Variants in BAIAP2L1 observed in about 807,000 individuals in gnomAD.
The protein encoded by BAIAP2L1 is BAR/IMD domain containing adaptor protein 2 like 1.
A neutral mutation model predicts 66.3 loss-of-function variants in BAIAP2L1; 35 were observed. The ratio of observed to expected loss-of-function variants is 0.53; its 90% CI spans 0.40 to 0.70. BAIAP2L1 has a LOEUF of 0.70. BAIAP2L1 is among the 30% of genes least tolerant of loss of function. The pLI is 0.00. For missense variants in BAIAP2L1, 622 were observed against 656.9 expected, an observed-to-expected ratio of 0.95 and a Z score of 0.58; for synonymous variants, 269 against 248.7, an observed-to-expected ratio of 1.08 and a Z score of -0.77.
chr7:98,380,001 T>C (rs1802718677), intron 1 of BAIAP2L1, among the ~76,000 whole-genome samples: 1 of 152,112 alleles, frequency 6.6e-6, no homozygotes, highest in South Asian at 2.1e-4. Context: ...CACAACTTTA[T>C]AAATTTACTA....
At chr7:98,393,506 A>AT (rs982246272) in intron 1 of BAIAP2L1, among the ~76,000 whole-genome samples, 220 of 150,502 alleles carry the variant, frequency 1.5e-3, no homozygotes, top group African/African-American at 3.2e-3. Context: ...CTATTTATTT[A>AT]TTTTTTTTTG....
Position 98,320,404 on chromosome 7 carries a change from T to C in BAIAP2L1, c.215-106A>G, listed in dbSNP as rs909769679. The C allele has an allele frequency of 8.8e-5, 71 of 811,086 alleles. No individual in the cohort carries two copies. The African/African-American group carries it at 1.1e-3, about 13-fold the overall frequency. 50.2% of individuals were successfully genotyped at this position (811,086 alleles called of 1,614,324 possible). On this transcript the variant is annotated intron_variant, in intron 3 of 13. Coordinates refer to ENST00000005260, the MANE Select transcript of BAIAP2L1 (RefSeq NM_018842.5). ...AGGCTGGAGTGCAAAGGCACGATCT[T>C]GGCCCGCTGCAACCTCCGCCTCCCG... is the stretch of plus-strand genomic sequence containing the variant.
At chr7:98,397,044 A>G (rs887556282) in intron 1 of BAIAP2L1, among the ~76,000 whole-genome samples, 2 of 152,136 alleles carry the variant, frequency 1.3e-5, no homozygotes, top group African/African-American at 4.8e-5. Context: ...TGTAGAGCTC[A>G]CATTCTAGTT....
At chr7:98,366,850 G>T (rs1426004633) in intron 1 of BAIAP2L1, among the ~76,000 whole-genome samples, 1 of 152,056 alleles carries the variant, frequency 6.6e-6, no homozygotes, top group Non-Finnish European at 1.5e-5. Context: ...TCTTTGCTTT[G>T]CTTTTTTTCT....
At chr7:98,305,101 G>C (rs1226838281) in intron 11 of BAIAP2L1, among the ~76,000 whole-genome samples, 4 of 134,166 alleles carry the variant, frequency 3.0e-5, no homozygotes, top group Non-Finnish European at 4.6e-5. Context: ...ATGTTGGCCA[G>C]GCTAGTCTTG....
At chr7:98,342,329 G>A (rs1801761500) in intron 3 of BAIAP2L1, among the ~76,000 whole-genome samples, 1 of 152,126 alleles carries the variant, frequency 6.6e-6, no homozygotes, top group African/African-American at 2.4e-5. Flanking sequence ...GATTACAGGT[G>A]TGAGCCACTG....
chr7:98,332,884 C>T (rs527291270), intron 3 of BAIAP2L1, among the ~76,000 whole-genome samples: 5 of 151,702 alleles, frequency 3.3e-5, no homozygotes, highest in Non-Finnish European at 7.4e-5. Context: ...CATCTGCACC[C>T]GGGGTTAAGA....
chr7:98,362,659 A>G (rs1026492065), intron 1 of BAIAP2L1, among the ~76,000 whole-genome samples: 3 of 152,184 alleles, frequency 2.0e-5, no homozygotes, highest in Non-Finnish European at 2.9e-5. Context: ...CAGTTGCCCA[A>G]GAGGCTGCCT....
At chr7:98,333,159 C>A (rs1562976674) in intron 3 of BAIAP2L1, among the ~76,000 whole-genome samples, 1 of 152,160 alleles carries the variant, frequency 6.6e-6, no homozygotes, top group African/African-American at 2.4e-5. Flanking sequence ...TCAGTGGCCC[C>A]TTGCCTTATT....
rs55633908 is a variant in BAIAP2L1, at chr7:98,377,819, CAAAAAAAAAAA to C, written c.52-15398_52-15388del. Among the ~76,000 whole-genome samples the C allele has an allele frequency of 1.4e-3, 57 of 40,786 alleles. 2 individuals are homozygous for C. In the East Asian group the frequency reaches 0.053, roughly 38 times the overall value. The allele number at this position is 40,786 out of a possible 152,430, so 26.8% of individuals were successfully genotyped here. A position where few individuals can be genotyped will look rare whatever the true frequency, so the allele number is the denominator to read the frequency against. On this transcript the variant is annotated intron_variant, in intron 1 of 13. Transcript: ENST00000005260. ...TGGGCGACAGAGTGAGACTCAATCT[CAAAAAAAAAAA>C]AAAAAAAAAAAAAAAGGCCAGGTGT...
intron 1 of BAIAP2L1, among the ~76,000 whole-genome samples, chr7:98,384,366 A>C (rs146351263): frequency 1.3e-3 from 199 of 152,288 alleles, no homozygotes; most frequent in African/African-American, 4.6e-3. Flanking sequence ...ACTGATTCTG[A>C]AATAGCTGTT....
chr7:98,370,535 C>T (rs1047365656), intron 1 of BAIAP2L1, among the ~76,000 whole-genome samples: 3 of 151,808 alleles, frequency 2.0e-5, no homozygotes, highest in Non-Finnish European at 2.9e-5. Flanking sequence ...GACAGAGTCT[C>T]GCACTGTCGC....
intron 4 of BAIAP2L1, 36 bp downstream of exon 4, chr7:98,320,201 G>C (rs1801204577): frequency 1.3e-6 from 2 of 1,586,738 alleles, no homozygotes; most frequent in Non-Finnish European, 1.7e-6. Context: ...AACCTGAAAT[G>C]AGTGTATTTT....
intron 3 of BAIAP2L1, among the ~76,000 whole-genome samples, chr7:98,331,737 G>T (rs1223752004): frequency 5.3e-5 from 8 of 152,054 alleles, no homozygotes; most frequent in African/African-American, 1.7e-4. Context: ...CCAAAGTGCT[G>T]GGATTACAGG....
intron 3 of BAIAP2L1, among the ~76,000 whole-genome samples, chr7:98,335,432 G>A (rs573975177): frequency 6.6e-6 from 1 of 152,254 alleles, no homozygotes. Flanking sequence ...AAAACTATGA[G>A]TATAAATGCA....
intron 3 of BAIAP2L1, among the ~76,000 whole-genome samples, chr7:98,341,719 A>G (rs1801745547): frequency 6.6e-6 from 1 of 152,120 alleles, no homozygotes. Context: ...TGGGCCTCAC[A>G]GTGCTGTCAT....
intron 12 of BAIAP2L1, among the ~76,000 whole-genome samples, chr7:98,303,633 C>T (rs570386647): frequency 1.1e-4 from 16 of 152,286 alleles, no homozygotes; most frequent in South Asian, 4.1e-4. Flanking sequence ...GGCCTCTGTG[C>T]GGTGGCGGGA....
intron 3 of BAIAP2L1, among the ~76,000 whole-genome samples, chr7:98,333,947 T>C (rs1031797592): frequency 6.6e-6 from 1 of 152,174 alleles, no homozygotes; most frequent in Non-Finnish European, 1.5e-5. Flanking sequence ...CATTTAAAAA[T>C]AATAAAGTTA....
intron 10 of BAIAP2L1, 25 bp downstream of exon 10, chr7:98,307,664 C>T (rs370945356): frequency 2.7e-5 from 43 of 1,612,204 alleles, no homozygotes; most frequent in Middle Eastern, 1.9e-4. Flanking sequence ...TGGTGCCCTG[C>T]GGGGACCATC....
Sources: allele counts gnomAD v4.1 joint callset (sites outside exome capture counted in the v4.1 genomes callset), GRCh38; gene constraint gnomAD v4.1.1; transcripts MANE v1.5; gene names NCBI Gene and HGNC (gene_info 2026-07-23, HGNC 2026-07-21).